Variants in DLG2 observed in about 807,000 individuals in gnomAD.
The protein encoded by DLG2 is disks large homolog 2.
DLG2 carries 45 observed loss-of-function variants against 132.5 expected under a neutral mutation model. The observed-to-expected ratio is 0.34, with a 90% CI of 0.27 to 0.44. The LOEUF is 0.44. DLG2 is among the 20% of genes least tolerant of loss of function. The pLI, the probability that DLG2 is intolerant of heterozygous loss-of-function variation, is 1.00. For missense variants in DLG2, 1,045 were observed against 1,196.9 expected (o/e 0.87, Z 1.87); for synonymous variants, 424 against 419.6 (o/e 1.01, Z -0.13).
intron 3 of DLG2, among the ~76,000 whole-genome samples, chr11:85,409,906 C>T (rs1848766): frequency 0.036 from 5,499 of 151,772 alleles, 147 homozygotes; most frequent in Admixed American, 0.049. Flanking sequence ...CTCAGTTCAA[C>T]GCATATTAAA....
intron 6 of DLG2, among the ~76,000 whole-genome samples, chr11:84,704,971 G>A (rs2059636558): frequency 6.6e-6 from 1 of 150,430 alleles, no homozygotes; most frequent in Non-Finnish European, 1.5e-5. Flanking sequence ...AGGCACATGA[G>A]CATGTACACA....
chr11:85,081,162 C>A (rs748163702), intron 6 of DLG2, among the ~76,000 whole-genome samples: 11 of 152,142 alleles, frequency 7.2e-5, no homozygotes, highest in Non-Finnish European at 1.3e-4. Context: ...GCAGTGACTT[C>A]TTTTCCTTAT....
intron 7 of DLG2, among the ~76,000 whole-genome samples, chr11:84,366,494 C>T (rs917753629): frequency 1.1e-4 from 16 of 152,048 alleles, no homozygotes; most frequent in Admixed American, 5.9e-4. Context: ...GGACTAAATG[C>T]TCCAATTAAA....
intron 3 of DLG2, chr11:85,510,100 G>C (rs999170194): frequency 6.8e-6 from 1 of 146,454 alleles, no homozygotes; most frequent in African/African-American, 2.5e-5. Context: ...AAATTAGGAA[G>C]AAAGCTACCC....
At position 83,964,513 on chromosome 11, in the gene DLG2, G is replaced by A. The variant is rs144435875; in HGVS notation, c.1201+811C>T. On this transcript the variant is annotated intron_variant, in intron 13 of 27. Transcript: ENST00000376104. ...CTAATTAATGGCCAGTTCTGAAGAC[G>A]TTCCAAGTTTCCAGTCTCACAAATG... 4.4e-3 allele frequency among the ~76,000 whole-genome samples: 673 copies of A among 152,060 alleles called. 8 individuals carry two copies. The highest frequency in any genetic ancestry group is 0.028 in the South Asian group (134 of 4,822).
At chr11:83,986,313 G>T (rs1162078328) in intron 11 of DLG2, among the ~76,000 whole-genome samples, 1 of 151,262 alleles carries the variant, frequency 6.6e-6, no homozygotes, top group African/African-American at 2.4e-5. Flanking sequence ...TGCGGCATTT[G>T]GTTTTTTGTT....
chr11:83,628,964 G>T (rs1294383773), intron 19 of DLG2, among the ~76,000 whole-genome samples: 1 of 152,092 alleles, frequency 6.6e-6, no homozygotes, highest in East Asian at 1.9e-4. Flanking sequence ...TAACAAAAAT[G>T]TTCTTTCTGT....
intron 21 of DLG2, among the ~76,000 whole-genome samples, chr11:83,484,863 A>G (rs562247954): frequency 6.6e-6 from 1 of 152,294 alleles, no homozygotes; most frequent in Non-Finnish European, 1.5e-5. Flanking sequence ...ATATATAATC[A>G]TTAGAATACA....
chr11:84,383,164 C>T (rs2098754894), intron 7 of DLG2, among the ~76,000 whole-genome samples: 1 of 152,030 alleles, frequency 6.6e-6, no homozygotes, highest in South Asian at 2.1e-4. Context: ...TACTCTTTCA[C>T]TTGTCTACAT....
chr11:83,845,023 A>G (rs1462547879), intron 16 of DLG2, among the ~76,000 whole-genome samples: 2 of 152,052 alleles, frequency 1.3e-5, no homozygotes, highest in Non-Finnish European at 2.9e-5. Flanking sequence ...GTATTACAGC[A>G]TATAAGCTTG....
chr11:85,066,463 G>A (rs1172192806), intron 6 of DLG2, among the ~76,000 whole-genome samples: 1 of 151,574 alleles, frequency 6.6e-6, no homozygotes, highest in African/African-American at 2.4e-5. Context: ...GTATCACTCT[G>A]ATGACAAAGA....
intron 10 of DLG2, among the ~76,000 whole-genome samples, chr11:84,070,106 C>T (rs79630496): frequency 1.3e-3 from 202 of 152,312 alleles, no homozygotes; most frequent in African/African-American, 4.8e-3. Flanking sequence ...CATTTCATTT[C>T]CCCTCTAAAT....
In DLG2 at chr11:83,987,466, C is replaced by G. The variant is rs868513250; in HGVS notation, c.920-6824G>C. Among the ~76,000 whole-genome samples, 175 of 152,212 alleles carry G rather than the reference C, an allele frequency of 1.1e-3. 1 individual carries two copies. The highest frequency in any genetic ancestry group is 4.0e-3 in the African/African-American group (166 of 41,534). The stretch of plus-strand genomic sequence containing the variant: ...AAGCTATACTACAAGGCTACAGTAA[C>G]CAAAACAGCATGGTACTGGTACCAA... On this transcript the variant is annotated intron_variant, in intron 11 of 27. Transcript: ENST00000376104.
intron 7 of DLG2, among the ~76,000 whole-genome samples, chr11:84,350,184 CAAA>C (rs398045349): frequency 0.015 from 1,486 of 101,934 alleles, 22 homozygotes; most frequent in South Asian, 0.097. Context: ...TCCCCCCCCC[CAAA>C]AAAAAAAAAA....
chr11:85,442,610 C>T (rs2091837428), intron 3 of DLG2, among the ~76,000 whole-genome samples: 1 of 151,928 alleles, frequency 6.6e-6, no homozygotes, highest in African/African-American at 2.4e-5. Context: ...GCCTGTAATC[C>T]CAGCACTTTG....
intron 17 of DLG2, among the ~76,000 whole-genome samples, chr11:83,801,840 C>T (rs951105277): frequency 6.6e-6 from 1 of 152,054 alleles, no homozygotes; most frequent in African/African-American, 2.4e-5. Flanking sequence ...GCTGACTACA[C>T]TATGTAGATA....
At chr11:83,734,497 C>A (rs1431544487) in intron 18 of DLG2, among the ~76,000 whole-genome samples, 1 of 151,788 alleles carries the variant, frequency 6.6e-6, no homozygotes, top group Non-Finnish European at 1.5e-5. Flanking sequence ...GTCACCCAGG[C>A]TGGAGTGCAG....
intron 19 of DLG2, among the ~76,000 whole-genome samples, chr11:83,598,056 G>A (rs1210490281): frequency 6.6e-6 from 1 of 152,182 alleles, no homozygotes; most frequent in African/African-American, 2.4e-5. Flanking sequence ...TTAGTCTACA[G>A]GACTAGGTTG....
At chr11:84,990,745 A>G (rs747042692) in intron 6 of DLG2, among the ~76,000 whole-genome samples, 2 of 147,122 alleles carry the variant, frequency 1.4e-5, no homozygotes, top group Non-Finnish European at 3.0e-5. Context: ...ATCACTTAAC[A>G]TTGCTAATGA....
Sources: gnomAD v4.1 joint callset for allele counts (sites outside exome capture counted in the v4.1 genomes callset) on GRCh38, gnomAD v4.1.1 for gene constraint, MANE v1.5 for transcripts, NCBI Gene and HGNC (gene_info 2026-07-23, HGNC 2026-07-21) for gene names.